The following ADAMTS12 variants were observed in gnomAD, a reference collection of about 807,000 sequenced individuals.
ADAMTS12 encodes ADAM metallopeptidase with thrombospondin type 1 motif 12.
In ADAMTS12, 118 loss-of-function variants were observed where a neutral mutation model predicts 167.8. The observed-to-expected ratio is 0.70, with a 90% confidence interval of 0.61 to 0.82. The LOEUF is 0.82. ADAMTS12 is among the 40% of genes least tolerant of loss of function. The probability of loss-of-function intolerance (pLI) is 0.00; values close to 1 mark genes in which losing one functional copy is unlikely to be tolerated. For synonymous variants in ADAMTS12, 704 were observed against 716.9 expected (o/e 0.98, Z 0.29); for missense variants, 1,916 against 1,998.8 (o/e 0.96, Z 0.79).
intron 14 of ADAMTS12, among the ~76,000 whole-genome samples, chr5:33,617,894 A>G (rs1739108341): frequency 2.0e-5 from 3 of 152,234 alleles, no homozygotes; most frequent in Admixed American, 6.5e-5. Flanking sequence ...TGAAAGAGGC[A>G]TATTTAACTT....
intron 5 of ADAMTS12, among the ~76,000 whole-genome samples, chr5:33,677,815 C>A (rs1050882294): frequency 6.6e-6 from 1 of 152,168 alleles, no homozygotes; most frequent in East Asian, 1.9e-4. Flanking sequence ...TCAGTTTCCA[C>A]TGCTTTGAAA....
chr5:33,648,937 A>G lies in ADAMTS12; in HGVS notation c.1364T>C (p.Ile455Thr), dbSNP rs1249470843. The G allele has an allele frequency of 6.2e-7, 1 of 1,613,926 alleles. No homozygotes were observed. The highest frequency in any genetic ancestry group is 1.3e-5 in the African/African-American group (1 of 74,902). The change falls in exon 9 of 24, where the codon ATA becomes ACA. Residue 455 changes from isoleucine (I) to threonine (T), a missense_variant. Transcript: ENST00000504830. The stretch of plus-strand genomic sequence containing the variant: ...GGACTTCAAGCCTTTCTTTTTAGGT[A>G]TGTCATCAAGACAGAACCCCCAGCC... ...DRGWGFCLDD[I>T]PKKKGLKSKV...
chr5:33,605,408 A>C (rs1738384671), intron 16 of ADAMTS12, among the ~76,000 whole-genome samples: 1 of 152,270 alleles, frequency 6.6e-6, no homozygotes, highest in African/African-American at 2.4e-5. Flanking sequence ...AAAAAGATAT[A>C]ATTTCTATTA....
chr5:33,691,459 G>A (rs1056869979), intron 3 of ADAMTS12, among the ~76,000 whole-genome samples: 1 of 152,180 alleles, frequency 6.6e-6, no homozygotes, highest in Non-Finnish European at 1.5e-5. Context: ...GGGGAGCAAA[G>A]TCTTATCCAG....
At chr5:33,703,169 T>G (rs1743063411) in intron 3 of ADAMTS12, among the ~76,000 whole-genome samples, 1 of 152,206 alleles carries the variant, frequency 6.6e-6, no homozygotes. Flanking sequence ...TCTGAAGAGT[T>G]ATAGTCTTTC....
chr5:33,536,213 T>G (rs1744397017), intron 22 of ADAMTS12, among the ~76,000 whole-genome samples: 1 of 152,184 alleles, frequency 6.6e-6, no homozygotes, highest in Non-Finnish European at 1.5e-5. Flanking sequence ...CTCGGCTCAC[T>G]GCAACCTCCC....
intron 2 of ADAMTS12, among the ~76,000 whole-genome samples, chr5:33,869,977 AG>A (rs1749973486): frequency 6.6e-6 from 1 of 152,172 alleles, no homozygotes; most frequent in Admixed American, 6.5e-5. Flanking sequence ...TTCTTTTCCC[AG>A]GGATGTTAAT....
chr5:33,623,745 C>T (rs1389446811), intron 14 of ADAMTS12, among the ~76,000 whole-genome samples: 2 of 152,192 alleles, frequency 1.3e-5, no homozygotes, highest in African/African-American at 4.8e-5. Flanking sequence ...TCTCTTTTGA[C>T]TTTGAATTGA....
At position 33,577,173 on chromosome 5, in the gene ADAMTS12, A is replaced by T; in HGVS notation, c.2866-13T>A. ...AGGAAACAGAACACTAGAAGAGAGA[A>T]ACAGCTGTTAGCCTGGCGAGAGAAG... On this transcript the variant is annotated splice_polypyrimidine_tract_variant and intron_variant, in intron 18 of 23. Transcript: ENST00000504830. The T allele has an allele frequency of 6.2e-7, 1 of 1,614,034 alleles. No individual in the cohort carries two copies. The highest frequency in any genetic ancestry group is 8.5e-7 in the Non-Finnish European group (1 of 1,180,006).
chr5:33,833,092 G>A (rs1236453263), intron 2 of ADAMTS12, among the ~76,000 whole-genome samples: 1 of 152,164 alleles, frequency 6.6e-6, no homozygotes, highest in Admixed American at 6.5e-5. Flanking sequence ...AGTCACTGCT[G>A]CCATTTTTTC....
At chr5:33,738,751 ACAGCT>A (rs1218093542) in intron 3 of ADAMTS12, among the ~76,000 whole-genome samples, 2 of 152,230 alleles carry the variant, frequency 1.3e-5, no homozygotes, top group Admixed American at 6.5e-5. Context: ...AGCCCTCAGC[ACAGCT>A]GATCCTATTA....
intron 5 of ADAMTS12, among the ~76,000 whole-genome samples, chr5:33,680,095 G>A (rs572037253): frequency 6.6e-6 from 1 of 152,340 alleles, no homozygotes; most frequent in South Asian, 2.1e-4. Flanking sequence ...TGTGAACTCT[G>A]TGCCAATTAG....
chr5:33,579,186 C>T (rs187672), intron 18 of ADAMTS12, among the ~76,000 whole-genome samples: 32,305 of 152,154 alleles, frequency 0.21, 3,498 homozygotes, highest in Non-Finnish European at 0.23. Flanking sequence ...ATTTTAGTCA[C>T]GCTGAGTCCC....
At chr5:33,546,753 G>T (rs1189625054) in intron 21 of ADAMTS12, among the ~76,000 whole-genome samples, 2 of 152,242 alleles carry the variant, frequency 1.3e-5, no homozygotes, top group South Asian at 2.1e-4. Flanking sequence ...AAACATGTCA[G>T]GTTTTTGCTT....
In ADAMTS12 at chr5:33,714,817, GA is replaced by G. The variant is rs531083521; in HGVS notation, c.635-30763del. ...AAGGGGCAGAGGGAAGGCAGAGTAT[GA>G]AGAGAAGTTGGTTAATGGGTACAGA... On this transcript the variant is annotated intron_variant, in intron 3 of 23. Coordinates refer to ENST00000504830, the MANE Select transcript of ADAMTS12 (RefSeq NM_030955.4). Among the ~76,000 whole-genome samples the G allele has an allele frequency of 2.8e-4, 43 of 152,172 alleles. No individual in the cohort carries two copies. In the South Asian group the frequency reaches 8.3e-3, roughly 29 times the overall value.
intron 19 of ADAMTS12, among the ~76,000 whole-genome samples, chr5:33,567,798 TA>T (rs932079754): frequency 6.6e-6 from 1 of 152,190 alleles, no homozygotes; most frequent in African/African-American, 2.4e-5. Flanking sequence ...GGTCACCACA[TA>T]ACTGGCATTA....
intron 3 of ADAMTS12, among the ~76,000 whole-genome samples, chr5:33,694,559 T>C (rs1742682811): frequency 6.6e-6 from 1 of 152,236 alleles, no homozygotes; most frequent in African/African-American, 2.4e-5. Context: ...CCAGCATTTC[T>C]ACTAAGGAAC....
intron 3 of ADAMTS12, among the ~76,000 whole-genome samples, chr5:33,746,101 G>A (rs924989967): frequency 6.6e-6 from 1 of 152,196 alleles, no homozygotes; most frequent in Non-Finnish European, 1.5e-5. Flanking sequence ...GCAAAGCAAA[G>A]CACAAACTAC....
chr5:33,670,264 C>T (rs1395890513), intron 5 of ADAMTS12, among the ~76,000 whole-genome samples: 2 of 151,960 alleles, frequency 1.3e-5, no homozygotes, highest in Non-Finnish European at 2.9e-5. Context: ...TACTAGCTAT[C>T]AGGGAATTGC....
Sources: allele counts gnomAD v4.1 joint callset (sites outside exome capture counted in the v4.1 genomes callset), GRCh38; gene constraint gnomAD v4.1.1; transcripts MANE v1.5; gene names NCBI Gene and HGNC (gene_info 2026-07-23, HGNC 2026-07-21).